FRMD6: variants seen among roughly 807,000 people sequenced by gnomAD.
FRMD6 encodes the protein FERM domain containing 6.
Under a neutral mutation model 73.2 loss-of-function variants are expected in FRMD6, and 37 were observed. The observed-to-expected ratio is 0.51, with a 90% CI of 0.39 to 0.66. The LOEUF (loss-of-function observed/expected upper bound fraction) is 0.66. FRMD6 is among the 30% of genes least tolerant of loss of function. The pLI is 0.00. For missense variants in FRMD6, 714 were observed against 780.5 expected (o/e 0.91, Z 1.02); for synonymous variants, 273 against 282.2 (o/e 0.97, Z 0.33).
At chr14:51,532,599 A>C (rs1885654092) in intron 1 of FRMD6, among the ~76,000 whole-genome samples, 1 of 152,148 alleles carries the variant, frequency 6.6e-6, no homozygotes, top group Non-Finnish European at 1.5e-5. Context: ...CCCAGGTGGA[A>C]GTGTTAACAC....
chr14:51,636,554 T>G (rs1416175454), intron 2 of FRMD6, among the ~76,000 whole-genome samples: 2 of 152,248 alleles, frequency 1.3e-5, no homozygotes, highest in Non-Finnish European at 2.9e-5. Flanking sequence ...CTGGACTCCC[T>G]AGCCTCCTCC....
intron 2 of FRMD6, among the ~76,000 whole-genome samples, chr14:51,597,971 C>T (rs1353110765): frequency 6.6e-6 from 1 of 152,084 alleles, no homozygotes; most frequent in Non-Finnish European, 1.5e-5. Flanking sequence ...CGGCTGCCCC[C>T]CAACCATCCA....
intron 1 of FRMD6, among the ~76,000 whole-genome samples, chr14:51,561,883 G>GA (rs1251025500): frequency 6.6e-6 from 1 of 152,002 alleles, no homozygotes; most frequent in Non-Finnish European, 1.5e-5. Context: ...TATCCCAAAT[G>GA]AAAAAAATAT....
the FRMD6 span, among the ~76,000 whole-genome samples, chr14:51,453,179 G>A: frequency 1.2e-4 from 18 of 152,162 alleles, no homozygotes; most frequent in African/African-American, 4.3e-4. Flanking sequence ...TAAAGATGTG[G>A]TGCCCAAGAG....
intron 2 of FRMD6, among the ~76,000 whole-genome samples, chr14:51,600,778 T>A (rs1889992976): frequency 1.3e-5 from 2 of 152,266 alleles, no homozygotes; most frequent in Admixed American, 1.3e-4. Context: ...TTTAATTAAC[T>A]AGGCAATTTG....
chr14:51,512,623 T>G (rs1884377969), intron 1 of FRMD6, among the ~76,000 whole-genome samples: 1 of 152,286 alleles, frequency 6.6e-6, no homozygotes, highest in Admixed American at 6.5e-5. Context: ...TCTCTTTTTT[T>G]TTTTTGTGGG....
At chr14:51,450,307 A>G in the FRMD6 span, among the ~76,000 whole-genome samples, 3 of 152,178 alleles carry the variant, frequency 2.0e-5, no homozygotes, top group Non-Finnish European at 4.4e-5. Context: ...GAGGATAGGA[A>G]TTACAGCATG....
the FRMD6 span, among the ~76,000 whole-genome samples, chr14:51,401,976 C>G: frequency 1.3e-5 from 2 of 152,180 alleles, no homozygotes; most frequent in African/African-American, 4.8e-5. Context: ...GCTGGACAAA[C>G]AGCCAGAGCC....
intron 2 of FRMD6, among the ~76,000 whole-genome samples, chr14:51,572,424 A>C (rs970251011): frequency 6.6e-6 from 1 of 152,252 alleles, no homozygotes; most frequent in Non-Finnish European, 1.5e-5. Flanking sequence ...ATGATTAGAA[A>C]ATCTCATTTT....
At chr14:51,719,595 G>A (rs950254962) in intron 10 of FRMD6, among the ~76,000 whole-genome samples, 1 of 152,192 alleles carries the variant, frequency 6.6e-6, no homozygotes, top group African/African-American at 2.4e-5. Flanking sequence ...CTAGAGCAGT[G>A]CTTCTGAAAT....
chr14:51,553,490 A>G (rs1298673010), intron 1 of FRMD6, among the ~76,000 whole-genome samples: 2 of 152,256 alleles, frequency 1.3e-5, no homozygotes, highest in African/African-American at 2.4e-5. Flanking sequence ...TTGAGCATTT[A>G]TAAGAATACT....
chr14:51,640,700 A>C (rs961584837), intron 2 of FRMD6, among the ~76,000 whole-genome samples: 7 of 152,252 alleles, frequency 4.6e-5, no homozygotes, highest in Admixed American at 2.0e-4. Flanking sequence ...AAAATAAGAA[A>C]ATGGCTTTAA....
chr14:51,419,700 G>T, the FRMD6 span, among the ~76,000 whole-genome samples: 1 of 152,182 alleles, frequency 6.6e-6, no homozygotes, highest in African/African-American at 2.4e-5. Flanking sequence ...TTAGTAGAAT[G>T]AGTTCAGACA....
chr14:51,490,745 G>A (rs1882954657), intron 1 of FRMD6, among the ~76,000 whole-genome samples: 1 of 152,068 alleles, frequency 6.6e-6, no homozygotes, highest in Non-Finnish European at 1.5e-5. Flanking sequence ...GAATTCTTAA[G>A]GTGGCCCAGT....
intron 10 of FRMD6, among the ~76,000 whole-genome samples, chr14:51,716,372 ATGT>A (rs1235100028): frequency 6.6e-6 from 1 of 151,930 alleles, no homozygotes; most frequent in African/African-American, 2.4e-5. Context: ...TTATAAATTC[ATGT>A]TGTAGTAATA....
intron 1 of FRMD6, among the ~76,000 whole-genome samples, chr14:51,679,621 ATAATACTAAT>A (rs1292532578): frequency 6.6e-6 from 1 of 151,036 alleles, no homozygotes; most frequent in Non-Finnish European, 1.5e-5. Context: ...GTGCCTGAAA[ATAATACTAAT>A]ATTACTTAAG....
At chr14:51,398,257 C>T in the FRMD6 span, among the ~76,000 whole-genome samples, 2 of 152,166 alleles carry the variant, frequency 1.3e-5, no homozygotes, top group African/African-American at 2.4e-5. Context: ...GTTTAAATTA[C>T]AAGGGCCGTT....
chr14:51,478,606 T>C, the FRMD6 span, among the ~76,000 whole-genome samples: 2 of 152,206 alleles, frequency 1.3e-5, no homozygotes, highest in African/African-American at 4.8e-5. Context: ...TTCCATATGG[T>C]GTTCCTCAAA....
the FRMD6 span, among the ~76,000 whole-genome samples, chr14:51,414,269 G>A: frequency 6.6e-6 from 1 of 152,104 alleles, no homozygotes; most frequent in African/African-American, 2.4e-5. Flanking sequence ...TTTTCTTCTG[G>A]GATTTTTATG....
Sources: allele counts gnomAD v4.1 joint callset (sites outside exome capture counted in the v4.1 genomes callset), GRCh38; gene constraint gnomAD v4.1.1; transcripts MANE v1.5; gene names NCBI Gene and HGNC (gene_info 2026-07-23, HGNC 2026-07-21).